Variants in KDM1A observed in about 807,000 individuals in gnomAD.
The protein encoded by KDM1A is lysine demethylase 1A.
KDM1A carries 49 observed loss-of-function variants against 109.4 expected under a neutral mutation model. That is an observed-to-expected ratio of 0.45 (90% CI 0.36 to 0.57). The LOEUF is 0.57. Among genes scored for constraint, KDM1A ranks in the 20% least tolerant of loss-of-function variants. The pLI, the probability that KDM1A is intolerant of heterozygous loss-of-function variation, is 0.00. For synonymous variants in KDM1A, 380 were observed against 415.4 expected (o/e 0.91, Z 1.04); for missense variants, 668 against 1,116.6 (o/e 0.60, Z 5.73).
chr1:23,072,996 AC>A (rs1290789263), intron 14 of KDM1A, among the ~76,000 whole-genome samples: 4 of 152,080 alleles, frequency 2.6e-5, no homozygotes, highest in African/African-American at 9.7e-5. Flanking sequence ...ATTTTTTACA[AC>A]TAGTAAGCTT....
chr1:23,039,983 CAT>C (rs1354617197), intron 2 of KDM1A, among the ~76,000 whole-genome samples: 1 of 152,198 alleles, frequency 6.6e-6, no homozygotes, highest in Non-Finnish European at 1.5e-5. Flanking sequence ...ACGGTAGAGA[CAT>C]ATATTCCAAG....
At position 23,077,343 on chromosome 1, in the gene KDM1A, T is replaced by A; in HGVS notation, c.1850T>A (p.Val617Asp). ...DIKLNTAVRQ[V>D]RYTASGCEVI... ...AAACTGAATACAGCAGTGCGACAGG[T>A]TCGCTACACGGCTTCAGGTATGTCA... Residue 617 changes from valine to aspartate, a missense_variant, in exon 16 of 21, where the codon GTT becomes GAT. This residue lies in a region of KDM1A where 162 missense variants were observed against 376.4 expected (regional missense o/e 0.43). Coordinates refer to ENST00000400181, the MANE Select transcript of KDM1A (RefSeq NM_001009999.3). 1.2e-6 allele frequency: 2 copies of A among 1,612,934 alleles called. No homozygotes were observed. The highest frequency in any genetic ancestry group is 1.7e-6 in the Non-Finnish European group (2 of 1,179,242).
chr1:23,039,616 A>T (rs1007650714), intron 2 of KDM1A, among the ~76,000 whole-genome samples: 1 of 152,170 alleles, frequency 6.6e-6, no homozygotes, highest in Non-Finnish European at 1.5e-5. Flanking sequence ...GCTTTTTCAG[A>T]CCATCTCCTT....
chr1:23,049,742 A>G lies in KDM1A; in HGVS notation c.578-645A>G, dbSNP rs563776337. Among the ~76,000 whole-genome samples the G allele has an allele frequency of 1.3e-3, 202 of 152,190 alleles. 2 individuals are homozygous for G. The highest frequency in any genetic ancestry group is 4.6e-3 in the African/African-American group (192 of 41,536). On this transcript the variant is annotated intron_variant, in intron 3 of 20. Coordinates refer to ENST00000400181, the MANE Select transcript of KDM1A (RefSeq NM_001009999.3). ...CTTGCAGTGTATAGTGTATGTATACACTATATGTATATGTGTTATAGATTA... is the reference window on the plus strand; with the variant it reads ...CTTGCAGTGTATAGTGTATGTATACGCTATATGTATATGTGTTATAGATTA...
At chr1:23,023,099 C>T (rs1312047243) in intron 1 of KDM1A, among the ~76,000 whole-genome samples, 5 of 152,082 alleles carry the variant, frequency 3.3e-5, no homozygotes, top group Admixed American at 3.3e-4. Context: ...TGTTTATTAG[C>T]CATTTTTATA....
chr1:23,082,401 G>T (rs758344292), intron 20 of KDM1A, 35 bp downstream of exon 20: 4 of 1,578,092 alleles, frequency 2.5e-6, no homozygotes, highest in Admixed American at 1.8e-5. Context: ...GCTTATTTGG[G>T]AAGAGGCCAG....
intron 2 of KDM1A, among the ~76,000 whole-genome samples, chr1:23,042,440 ATTTTT>A (rs769149894): frequency 2.3e-4 from 5 of 21,560 alleles, no homozygotes; most frequent in African/African-American, 4.9e-4. Flanking sequence ...GAAATATATT[ATTTTT>A]TTTTTTTTTT....
At chr1:23,048,469 C>T (rs1642566665) in intron 3 of KDM1A, among the ~76,000 whole-genome samples, 1 of 151,748 alleles carries the variant, frequency 6.6e-6, no homozygotes, top group South Asian at 2.1e-4. Context: ...TCCTGACAGT[C>T]TTTAATTTTG....
At chr1:23,061,769 G>A (rs1193170483) in intron 9 of KDM1A, among the ~76,000 whole-genome samples, 1 of 151,618 alleles carries the variant, frequency 6.6e-6, no homozygotes, top group Non-Finnish European at 1.5e-5. Flanking sequence ...TAATTCTCGT[G>A]CCTCAGCCTC....
chr1:23,050,358 T>C, intron 3 of KDM1A, 29 bp from the exon 4 acceptor site: 1 of 1,587,450 alleles, frequency 6.3e-7, no homozygotes, highest in Non-Finnish European at 8.6e-7. Flanking sequence ...CTTGCACTTT[T>C]CCTAGATGTC....
At chr1:23,052,673 T>G (rs1040257377) in intron 4 of KDM1A, among the ~76,000 whole-genome samples, 8 of 152,214 alleles carry the variant, frequency 5.3e-5, no homozygotes, top group Non-Finnish European at 1.2e-4. Flanking sequence ...TCAGCAGTAT[T>G]TGAAATAATT....
chr1:23,080,174 G>A (rs181419337), intron 18 of KDM1A, among the ~76,000 whole-genome samples: 2 of 152,282 alleles, frequency 1.3e-5, no homozygotes, highest in East Asian at 3.9e-4. Context: ...GGCCTTGTCA[G>A]TGCAGACACA....
chr1:23,071,626 T>C (rs917197891), intron 13 of KDM1A, among the ~76,000 whole-genome samples: 1 of 152,214 alleles, frequency 6.6e-6, no homozygotes, highest in Non-Finnish European at 1.5e-5. Flanking sequence ...AGTAAGAGTA[T>C]TAAACATGGA....
intron 1 of KDM1A, among the ~76,000 whole-genome samples, chr1:23,024,246 G>A (rs1464688759): frequency 6.6e-6 from 1 of 151,950 alleles, no homozygotes; most frequent in Admixed American, 6.6e-5. Flanking sequence ...AAACTTTCAG[G>A]AAAAAAATTA....
chr1:23,038,306 GATA>G (rs1373656173), intron 2 of KDM1A, among the ~76,000 whole-genome samples: 7 of 150,268 alleles, frequency 4.7e-5, no homozygotes, highest in Non-Finnish European at 7.4e-5. Flanking sequence ...CTTAAATCTT[GATA>G]ATAATCTTTT....
chr1:23,029,470 C>G (rs1430109249), intron 1 of KDM1A, among the ~76,000 whole-genome samples: 1 of 152,064 alleles, frequency 6.6e-6, no homozygotes, highest in African/African-American at 2.4e-5. Flanking sequence ...CTAACCAATC[C>G]ATAATAATCT....
intron 4 of KDM1A, among the ~76,000 whole-genome samples, chr1:23,050,932 A>G (rs190996745): frequency 6.2e-4 from 94 of 152,188 alleles, no homozygotes; most frequent in Admixed American, 6.2e-3. Flanking sequence ...TAAAAATACA[A>G]AAATTATCTG....
intron 2 of KDM1A, chr1:23,044,205 C>T (rs911808524): frequency 6.4e-6 from 3 of 471,428 alleles, no homozygotes; most frequent in Non-Finnish European, 7.8e-6. Flanking sequence ...TGTTCCACTG[C>T]CTTTCAACAA....
At chr1:23,067,887 A>G (rs183456390) in intron 10 of KDM1A, among the ~76,000 whole-genome samples, 4 of 152,326 alleles carry the variant, frequency 2.6e-5, no homozygotes, top group Admixed American at 6.5e-5. Context: ...ATCCACATCA[A>G]TGAGGAGCCA....
Sources: gnomAD v4.1 joint callset for allele counts (sites outside exome capture counted in the v4.1 genomes callset) on GRCh38, gnomAD v4.1.1 for gene constraint, gnomAD v4.1.1 regional missense constraint, MANE v1.5 for transcripts, NCBI Gene and HGNC (gene_info 2026-07-23, HGNC 2026-07-21) for gene names.